CAST: variants seen among roughly 807,000 people sequenced by gnomAD.
The protein encoded by CAST is MIR583 host.
In CAST, 76 loss-of-function variants were observed where a neutral mutation model predicts 119.6. The ratio of observed to expected loss-of-function variants is 0.64; its 90% CI spans 0.53 to 0.77. The LOEUF is 0.77. Ranked by LOEUF, CAST falls within the 30% of genes least tolerant of loss-of-function variation. The pLI, the probability that CAST is intolerant of heterozygous loss-of-function variation, is 0.00. For synonymous variants in CAST, 319 were observed against 331.6 expected, an observed-to-expected ratio of 0.96 and a Z score of 0.41; for missense variants, 953 against 946.5, an observed-to-expected ratio of 1.01 and a Z score of -0.09.
At chr5:96,287,354 G>T in the CAST span, among the ~76,000 whole-genome samples, 2 of 152,010 alleles carry the variant, frequency 1.3e-5, no homozygotes, top group Non-Finnish European at 2.9e-5. Flanking sequence ...CTTGAAATGG[G>T]CCTTTGAGCG....
chr5:96,076,704 GAAAC>G, the CAST span, among the ~76,000 whole-genome samples: 2 of 152,090 alleles, frequency 1.3e-5, no homozygotes, highest in African/African-American at 2.4e-5. Flanking sequence ...TGAATTTTTG[GAAAC>G]AAACAAAAGG....
At chr5:96,526,917 G>A (rs1251768009), upstream of CAST, among the ~76,000 whole-genome samples, 1 of 152,204 alleles carries the variant, frequency 6.6e-6, no homozygotes, top group Non-Finnish European at 1.5e-5. Context: ...AGCAGCAGGA[G>A]AAGGAGAAAA....
chr5:96,110,792 A>C, the CAST span: 1 of 152,352 alleles, frequency 6.6e-6, no homozygotes, highest in East Asian at 1.9e-4. Flanking sequence ...TTCACTTAGC[A>C]GCTCCAGAGC....
At chr5:96,071,738 GT>G in the CAST span, among the ~76,000 whole-genome samples, 1 of 151,780 alleles carries the variant, frequency 6.6e-6, no homozygotes, top group Non-Finnish European at 1.5e-5. Flanking sequence ...TTATCTGCTA[GT>G]TTTTTTAAAA....
the CAST span, among the ~76,000 whole-genome samples, chr5:96,238,357 T>TCTTCTTCTTCTCCTTCTTCTC: frequency 1.1e-3 from 90 of 79,662 alleles, 1 homozygote; most frequent in African/African-American, 3.4e-3. Flanking sequence ...ATCTTCATCT[T>TCTTCTTCTTCTCCTTCTTCTC]CTTCTTCTCC....
At chr5:96,162,162 G>A in the CAST span, among the ~76,000 whole-genome samples, 1 of 152,138 alleles carries the variant, frequency 6.6e-6, no homozygotes, top group African/African-American at 2.4e-5. Context: ...GATAGAAGTG[G>A]TAGGAGCCAA....
At chr5:96,555,907 G>A (rs1229814292) in intron 1 of CAST, among the ~76,000 whole-genome samples, 1 of 152,220 alleles carries the variant, frequency 6.6e-6, no homozygotes, top group East Asian at 1.9e-4. Context: ...CTGGAGATCT[G>A]AGAACGGACA....
At chr5:96,475,239 G>A in the CAST span, among the ~76,000 whole-genome samples, 12 of 152,256 alleles carry the variant, frequency 7.9e-5, no homozygotes, top group South Asian at 8.3e-4. Flanking sequence ...GAGTAACTGC[G>A]GATACACCTG....
At chr5:96,551,004 T>G (rs1451645356) in intron 1 of CAST, among the ~76,000 whole-genome samples, 1 of 152,152 alleles carries the variant, frequency 6.6e-6, no homozygotes. Flanking sequence ...CAGGATATTA[T>G]CCAGGAAAAC....
chr5:96,027,402 T>A, the CAST span, among the ~76,000 whole-genome samples: 5 of 152,188 alleles, frequency 3.3e-5, no homozygotes, highest in Non-Finnish European at 7.3e-5. Context: ...ATAGCTTTTT[T>A]ACCTATTAAT....
the CAST span, among the ~76,000 whole-genome samples, chr5:96,331,995 A>T: frequency 2.0e-5 from 3 of 152,228 alleles, no homozygotes; most frequent in Non-Finnish European, 4.4e-5. Flanking sequence ...TGCTTCTTCT[A>T]TAAGAGAACT....
At chr5:96,589,877 C>T (rs1028581094) in intron 1 of CAST, among the ~76,000 whole-genome samples, 3 of 152,196 alleles carry the variant, frequency 2.0e-5, no homozygotes, top group Non-Finnish European at 2.9e-5. Context: ...CTCCAGGCAA[C>T]TGTTCCTTAT....
the CAST span, among the ~76,000 whole-genome samples, chr5:96,431,432 T>C: frequency 1.3e-5 from 2 of 152,202 alleles, no homozygotes; most frequent in African/African-American, 4.8e-5. Flanking sequence ...TATTGAGACT[T>C]CAAGTACAAC....
chr5:96,558,271 C>G (rs1485248156), intron 1 of CAST, among the ~76,000 whole-genome samples: 4 of 152,048 alleles, frequency 2.6e-5, no homozygotes, highest in Non-Finnish European at 4.4e-5. Flanking sequence ...CTAAAATTGA[C>G]ACCCTAACAT....
chr5:96,445,147 C>T, the CAST span, among the ~76,000 whole-genome samples: 1 of 152,204 alleles, frequency 6.6e-6, no homozygotes, highest in African/African-American at 2.4e-5. Flanking sequence ...TTCCGTGTTT[C>T]AGTGTGAAGC....
At chr5:96,661,800 A>G (rs919811373), upstream of CAST, among the ~76,000 whole-genome samples, 5 of 152,360 alleles carry the variant, frequency 3.3e-5, no homozygotes, top group Non-Finnish European at 7.3e-5. Context: ...GTTTATTAAA[A>G]TTCGAAACTG....
intron 14 of CAST, 26 bp downstream of exon 14, chr5:96,741,384 A>G: frequency 6.5e-7 from 1 of 1,548,870 alleles, no homozygotes; most frequent in Non-Finnish European, 8.9e-7. Context: ...TTGTTAAGGG[A>G]AACTTGTTAG....
intron 1 of CAST, among the ~76,000 whole-genome samples, chr5:96,664,071 A>G (rs1205085379): frequency 1.3e-5 from 2 of 152,162 alleles, no homozygotes; most frequent in Non-Finnish European, 2.9e-5. Context: ...TGGTATTGGA[A>G]AAAGCAAAGA....
the CAST span, among the ~76,000 whole-genome samples, chr5:96,442,891 A>G: frequency 6.6e-6 from 1 of 151,582 alleles, no homozygotes; most frequent in Non-Finnish European, 1.5e-5. Context: ...TTCCTTCTTT[A>G]TTATTGTCAT....
Sources: allele counts gnomAD v4.1 joint callset (sites outside exome capture counted in the v4.1 genomes callset), GRCh38; gene constraint gnomAD v4.1.1; transcripts MANE v1.5; gene names NCBI Gene and HGNC (gene_info 2026-07-23, HGNC 2026-07-21).